Variants in EP300 observed in about 807,000 individuals in gnomAD.
EP300 encodes the protein EP300 lysine acetyltransferase.
In EP300, 31 loss-of-function variants were observed where a neutral mutation model predicts 264.0. That is an observed-to-expected ratio of 0.12 (90% CI 0.09 to 0.16). EP300 has a LOEUF of 0.16. Ranked by LOEUF, EP300 falls within the 10% of genes least tolerant of loss-of-function variation. The pLI, the probability that EP300 is intolerant of heterozygous loss-of-function variation, is 1.00. For missense variants in EP300, 2,766 were observed against 3,052.9 expected (o/e 0.91, Z 2.21); for synonymous variants, 1,340 against 1,045.4 (o/e 1.28, Z -5.44).
intron 22 of EP300, among the ~76,000 whole-genome samples, chr22:41,166,211 TATC>T (rs1306594022): frequency 2.0e-5 from 3 of 152,218 alleles, no homozygotes; most frequent in Non-Finnish European, 2.9e-5. Context: ...AGGAGACAAA[TATC>T]ATGTGCATTT....
At chr22:41,116,059 ATAT>A (rs2058819514) in intron 1 of EP300, among the ~76,000 whole-genome samples, 1 of 152,188 alleles carries the variant, frequency 6.6e-6, no homozygotes, top group African/African-American at 2.4e-5. Context: ...GAACTTGGGA[ATAT>A]TAATACAGCT....
chr22:41,175,378 T>A (rs2059194566), intron 29 of EP300, among the ~76,000 whole-genome samples: 1 of 152,246 alleles, frequency 6.6e-6, no homozygotes, highest in African/African-American at 2.4e-5. Flanking sequence ...TACATTTTAT[T>A]ACTTTAATAG....
rs762557708 is a variant in EP300 at position 41,117,393 on chromosome 22, G to C, written c.301G>C (p.Gly101Arg). Residue 101 changes from glycine to arginine, a missense_variant, in exon 2 of 31, where the codon GGT (glycine) becomes CGT (arginine). Physicochemically the swap from Gly to Arg is moderately radical, Grantham distance 125 (BLOSUM62 -2). Transcript: ENST00000263253. ...PNLNMGVGGP[G>R]QVMASQAQQS... is the part of the protein sequence containing the mutation. ...CCTCAATATGGGAGTTGGTGGCCCA[G>C]GTCAAGTCATGGCCAGCCAGGCCCA... 6.2e-7 allele frequency: 1 copy of C among 1,614,038 alleles called. No individual in the cohort carries two copies. Among genetic ancestry groups the C allele is most frequent in the Non-Finnish European group, 8.5e-7 (1 of 1,180,040 alleles).
chr22:41,144,445 C>T (rs1347035020), intron 10 of EP300, among the ~76,000 whole-genome samples: 3 of 150,374 alleles, frequency 2.0e-5, no homozygotes, highest in Admixed American at 6.6e-5. Flanking sequence ...TCCATGCCTC[C>T]CAAGCTCAAG....
intron 2 of EP300, among the ~76,000 whole-genome samples, chr22:41,125,354 A>C (rs1306579427): frequency 6.6e-6 from 1 of 150,958 alleles, no homozygotes; most frequent in African/African-American, 2.4e-5. Flanking sequence ...TCCTGACCTC[A>C]TGATCCTCCC....
At position 41,155,012 on chromosome 22, in the gene EP300, C is replaced by G; in HGVS notation, c.3160C>G (p.Leu1054Val). ...SKKKIFKPEE[L>V]RQALMPTLEA... ...TTTTTAAGTTTTCAAACCAGAAGAA[C>G]TACGACAGGCACTGATGCCAACTTT... The change falls in exon 17 of 31, where the codon CTA (leucine) becomes GTA (valine). Residue 1054 changes from leucine (L) to valine (V), a missense_variant. Physicochemically the swap from Leu to Val is conservative, Grantham distance 32. Coordinates refer to ENST00000263253, the MANE Select transcript of EP300 (RefSeq NM_001429.4). 1 of 1,612,830 alleles carries G rather than the reference C, an allele frequency of 6.2e-7. No homozygotes were observed. Among genetic ancestry groups the G allele is most frequent in the South Asian group, 1.1e-5 (1 of 91,056 alleles).
chr22:41,127,547 A>G lies in EP300; in HGVS notation c.967A>G (p.Met323Val), dbSNP rs1211942176. The G allele has an allele frequency of 6.2e-7, 1 of 1,614,168 alleles. No individual in the cohort carries two copies. The highest frequency in any genetic ancestry group is 1.3e-5 in the African/African-American group (1 of 75,042). ...CCTGGTGACTCCAGTTGCCCAAGGG[A>G]TGGGTTCTGGAGCACATACAGCTGA... Reference protein sequence around the residue: ...PGLVTPVAQGMGSGAHTADPE... With the variant: ...PGLVTPVAQGVGSGAHTADPE... The change falls in exon 4 of 31, where the codon ATG becomes GTG. Residue 323 changes from methionine to valine, a missense_variant. Coordinates refer to ENST00000263253, the MANE Select transcript of EP300 (RefSeq NM_001429.4).
At chr22:41,120,222 T>C (rs761820928) in intron 2 of EP300, among the ~76,000 whole-genome samples, 60 of 152,156 alleles carry the variant, frequency 3.9e-4, no homozygotes, top group Non-Finnish European at 7.3e-4. Flanking sequence ...GTTATGTAGG[T>C]TTAGGATAAG....
chr22:41,131,769 A>G (rs1245033723), intron 6 of EP300, 136 bp downstream of exon 6: 1 of 1,305,602 alleles, frequency 7.7e-7, no homozygotes, highest in Non-Finnish European at 1.1e-6. Context: ...TACAGTGTAA[A>G]AGGTCCCTTA....
Position 41,150,180 on chromosome 22 carries a change from T to C in EP300, c.2799T>C (p.Pro933=). 6.2e-7 allele frequency: 1 copy of C among 1,608,594 alleles called. No homozygotes were observed. The change falls in exon 14 of 31, where the codon CCT becomes CCC. Residue 933 remains proline (P), a synonymous_variant. Coordinates refer to ENST00000263253, the MANE Select transcript of EP300 (RefSeq NM_001429.4). The part of the protein sequence containing the change: ...SVPTPTAPLL[P]PQPATPLSQP... ...CTACCCCAACAGCACCGCTGCTTCC[T>C]CCGCAGCCTGCAACTCCAGTAAGTA...
chr22:41,150,065 A>C lies in EP300; in HGVS notation c.2684A>C (p.Gln895Pro), dbSNP rs367737000. The change falls in exon 14 of 31, where the codon CAA becomes CCA. Residue 895 changes from glutamine to proline, a missense_variant. Transcript: ENST00000263253. ...ACACCACCAACAACACAACTTCCCC[A>C]ACAAGTGCAGCCTTCACTTCCTGCT... ...TPTPPTTQLPQQVQPSLPAAP... is the reference protein window; with the variant it reads ...TPTPPTTQLPPQVQPSLPAAP... 2 of 1,613,834 alleles carry C rather than the reference A, an allele frequency of 1.2e-6. No individual in the cohort carries two copies. The highest frequency in any genetic ancestry group is 2.2e-5 in the East Asian group (1 of 44,878).
intron 9 of EP300, among the ~76,000 whole-genome samples, chr22:41,140,608 A>T (rs955298635): frequency 6.6e-5 from 10 of 151,964 alleles, no homozygotes. Context: ...GGAGTTGGAG[A>T]CCAGCCCGGG....
rs2145741202 is a variant in EP300, at chr22:41,152,353, G to A, written c.3142+3G>A. 1 of 1,612,570 alleles carries A rather than the reference G, an allele frequency of 6.2e-7. No homozygotes were observed. The highest frequency in any genetic ancestry group is 1.1e-5 in the South Asian group (1 of 90,880). ...TCCAGGACAGTCAAAGAAAAAGAGT[G>A]AGTCTCTGAAGCCATTCGTTCTGGA... On this transcript the variant is annotated splice_donor_region_variant and intron_variant, in intron 16 of 30. Transcript: ENST00000263253.
chr22:41,175,079 TAATA>T (rs2059192542), intron 29 of EP300, among the ~76,000 whole-genome samples: 1 of 152,160 alleles, frequency 6.6e-6, no homozygotes, highest in South Asian at 2.1e-4. Flanking sequence ...TATTAACAAT[TAATA>T]GTTACTAGCT....
chr22:41,137,164 G>A (rs1325406318), intron 7 of EP300, among the ~76,000 whole-genome samples: 5 of 151,954 alleles, frequency 3.3e-5, no homozygotes, highest in Non-Finnish European at 7.4e-5. Context: ...TTTGAGACCA[G>A]CCTAGCCAAC....
chr22:41,100,372 A>C lies in EP300; in HGVS notation c.94+7274A>C, dbSNP rs147789093. Among the ~76,000 whole-genome samples, 6 of 152,338 alleles carry C rather than the reference A, an allele frequency of 3.9e-5. No individual in the cohort carries two copies. In the East Asian group the frequency reaches 9.6e-4, roughly 24 times the overall value. ...AGATAGACTGGATAAAGAGAAAGCC[A>C]AGTGCATGATGTTCATAGAGGAGTC... On this transcript the variant is annotated intron_variant, in intron 1 of 30. Coordinates refer to ENST00000263253, the MANE Select transcript of EP300 (RefSeq NM_001429.4).
At chr22:41,122,904 T>C (rs960624446) in intron 2 of EP300, among the ~76,000 whole-genome samples, 3 of 152,102 alleles carry the variant, frequency 2.0e-5, no homozygotes, top group Admixed American at 2.0e-4. Flanking sequence ...GGCATGGTGG[T>C]GCAAGCTTGT....
rs2059158722 is a variant in EP300 at position 41,169,599 on chromosome 22, A to G, written c.4269A>G (p.Glu1423=). The G allele has an allele frequency of 3.1e-6, 5 of 1,596,938 alleles. No individual in the cohort carries two copies. Among genetic ancestry groups the G allele is most frequent in the Non-Finnish European group, 3.4e-6 (4 of 1,166,512 alleles). The change falls in exon 26 of 31, where the codon GAA becomes GAG. Residue 1423 remains glutamate, a synonymous_variant. Coordinates refer to ENST00000263253, the MANE Select transcript of EP300 (RefSeq NM_001429.4). ...ATGAAATCCTAATTGGATATTTAGA[A>G]TATGTCAAGAAATTAGGGTAAGCAT... is the stretch of plus-strand genomic sequence containing the variant. ...VYHEILIGYL[E]YVKKLGYTTG... is the part of the protein sequence containing the mutation.
chr22:41,179,133 G>GATGAT lies in EP300; in HGVS notation c.*179_*183dup, dbSNP rs1452917866. On this transcript the variant is annotated 3_prime_UTR_variant, in exon 31 of 31. Transcript: ENST00000263253. ...GCAAACATGCAAGATGAACCTGAGG[G>GATGAT]ATGATAGAATACAAAGAATATATTT... is the stretch of plus-strand genomic sequence containing the variant. The GATGAT allele has an allele frequency of 1.5e-6, 1 of 675,744 alleles. No homozygotes were observed. The highest frequency in any genetic ancestry group is 2.9e-5 in the Admixed American group (1 of 34,636). The allele number at this position is 675,744 out of a possible 1,614,324, so 41.9% of individuals were successfully genotyped here.
Sources: allele counts gnomAD v4.1 joint callset (sites outside exome capture counted in the v4.1 genomes callset), GRCh38; gene constraint gnomAD v4.1.1; transcripts MANE v1.5; gene names NCBI Gene and HGNC (gene_info 2026-07-23, HGNC 2026-07-21).